The following SEMA3D variants were observed in gnomAD, a reference collection of about 807,000 sequenced individuals.
SEMA3D encodes the protein semaphorin-3D.
In SEMA3D, 84 loss-of-function variants were observed where a neutral mutation model predicts 100.1. The observed-to-expected ratio is 0.84, with a 90% CI of 0.70 to 1.01. The LOEUF (loss-of-function observed/expected upper bound fraction) is 1.01. Ranked by LOEUF, SEMA3D falls within the 50% of genes least tolerant of loss-of-function variation. The probability of loss-of-function intolerance (pLI) is 0.00; values close to 1 mark genes in which losing one functional copy is unlikely to be tolerated. For synonymous variants in SEMA3D, 312 were observed against 320.7 expected, an observed-to-expected ratio of 0.97 and a Z score of 0.29; for missense variants, 875 against 934.1, an observed-to-expected ratio of 0.94 and a Z score of 0.82.
In SEMA3D at chr7:84,995,988, T is replaced by A. The variant is rs890586109; in HGVS notation, c.*3452A>T. On this transcript the variant is annotated 3_prime_UTR_variant, in exon 19 of 19. Transcript: ENST00000284136. The stretch of plus-strand genomic sequence containing the variant: ...ACACTTCAAATATCTTTTTTTTTTT[T>A]TGGTTTGTTTCTAAATTATCCATTC... 4 of 151,934 alleles carry A rather than the reference T, an allele frequency of 2.6e-5. No homozygotes were observed. Among genetic ancestry groups the A allele is most frequent in the Admixed American group, 6.6e-5 (1 of 15,252 alleles). 9.4% of individuals were successfully genotyped at this position (151,934 alleles called of 1,614,324 possible). A position where few individuals can be genotyped will look rare whatever the true frequency, so the allele number is the denominator to read the frequency against.
In SEMA3D at chr7:85,142,768, A is replaced by C. The variant is rs913949776; in HGVS notation, c.-41+10840T>G. ...GCTTTTACACTAGAAAGATTCCCAG[A>C]CTAACCACATGATGTGAATGGAATA... On this transcript the variant is annotated intron_variant, in intron 2 of 18. Transcript: ENST00000284136. 5 of 984,210 alleles carry C rather than the reference A, an allele frequency of 5.1e-6. No individual in the cohort carries two copies. The African/African-American group carries it at 8.8e-5, about 17-fold the overall frequency. 61.0% of individuals were successfully genotyped at this position (984,210 alleles called of 1,614,324 possible).
chr7:85,202,419 T>C, the SEMA3D span, among the ~76,000 whole-genome samples: 1 of 152,000 alleles, frequency 6.6e-6, no homozygotes, highest in African/African-American at 2.4e-5. Context: ...TAGTATTCCA[T>C]GGTGTATATG....
chr7:85,110,716 C>T (rs762856070), intron 3 of SEMA3D, among the ~76,000 whole-genome samples: 2 of 152,112 alleles, frequency 1.3e-5, no homozygotes, highest in East Asian at 1.9e-4. Flanking sequence ...ACCAATTATT[C>T]TTCTTCTAGA....
chr7:85,080,353 T>G (rs2116227934), intron 5 of SEMA3D, among the ~76,000 whole-genome samples: 1 of 152,284 alleles, frequency 6.6e-6, no homozygotes, highest in African/African-American at 2.4e-5. Flanking sequence ...CTGAGATTAT[T>G]AGCCTTCTGA....
At chr7:85,028,266 A>G in intron 12 of SEMA3D, 1 of 702,582 alleles carries the variant, frequency 1.4e-6, no homozygotes, top group Non-Finnish European at 2.6e-6. Context: ...TCACAGTGCC[A>G]GCTTACTTGA....
At chr7:85,195,522 A>G in the SEMA3D span, among the ~76,000 whole-genome samples, 3 of 152,224 alleles carry the variant, frequency 2.0e-5, no homozygotes, top group East Asian at 5.8e-4. Flanking sequence ...TCATGGTCAC[A>G]GATCACTGTA....
At chr7:85,040,840 T>C in intron 10 of SEMA3D, 98 bp from the exon 11 acceptor site, 1 of 646,660 alleles carries the variant, frequency 1.5e-6, no homozygotes, top group Non-Finnish European at 2.8e-6. Context: ...CTAAACAGTT[T>C]ATACGATTAA....
At chr7:85,090,742 C>T (rs936527691) in intron 4 of SEMA3D, among the ~76,000 whole-genome samples, 2 of 152,058 alleles carry the variant, frequency 1.3e-5, no homozygotes, top group African/African-American at 4.8e-5. Flanking sequence ...TTTGCTTATA[C>T]TTAATATCAA....
chr7:85,063,120 C>T (rs185204024), intron 8 of SEMA3D, among the ~76,000 whole-genome samples: 148 of 152,204 alleles, frequency 9.7e-4, no homozygotes, highest in Admixed American at 1.9e-3. Flanking sequence ...ATCCTTATAA[C>T]GCCCTGTGAA....
chr7:85,085,592 T>C lies in SEMA3D; in HGVS notation c.313-4013A>G, dbSNP rs141251715. 3.6e-4 allele frequency among the ~76,000 whole-genome samples: 55 copies of C among 152,248 alleles called. No homozygotes were observed. In the East Asian group the frequency reaches 6.0e-3, roughly 17 times the overall value. The stretch of plus-strand genomic sequence containing the variant: ...TCTGTATGTCAGCCAAGGCATCAAA[T>C]TGAGGTGCTTGGGTCTGAGTTAGGA... On this transcript the variant is annotated intron_variant, in intron 4 of 18. Transcript: ENST00000284136.
chr7:85,042,055 T>A, intron 10 of SEMA3D, 116 bp downstream of exon 10: 1 of 772,332 alleles, frequency 1.3e-6, no homozygotes, highest in South Asian at 1.6e-5. Flanking sequence ...GAACCACTCC[T>A]GTAAGGTTTG....
At chr7:85,194,597 G>A in the SEMA3D span, among the ~76,000 whole-genome samples, 1 of 152,088 alleles carries the variant, frequency 6.6e-6, no homozygotes, top group African/African-American at 2.4e-5. Context: ...GGGTTCTACA[G>A]TTTTTTGCTT....
chr7:85,010,249 T>C (rs1789914818), intron 17 of SEMA3D, among the ~76,000 whole-genome samples: 1 of 151,846 alleles, frequency 6.6e-6, no homozygotes, highest in Non-Finnish European at 1.5e-5. Context: ...TCAGAGAATA[T>C]ACTAGCGATC....
intron 11 of SEMA3D, among the ~76,000 whole-genome samples, chr7:85,037,234 G>A (rs1279361317): frequency 2.0e-5 from 3 of 152,084 alleles, no homozygotes; most frequent in Non-Finnish European, 4.4e-5. Flanking sequence ...TAACTTCATC[G>A]CCAGTAAATA....
chr7:85,042,166 C>T lies in SEMA3D; in HGVS notation c.976+5G>A. 1 of 1,587,432 alleles carries T rather than the reference C, an allele frequency of 6.3e-7. No homozygotes were observed. Among genetic ancestry groups the T allele is most frequent in the Non-Finnish European group, 8.6e-7 (1 of 1,156,394 alleles). On this transcript the variant is annotated splice_donor_5th_base_variant and intron_variant, in intron 10 of 18. Transcript: ENST00000284136. ...TTCCAAGAAAGAAGGAAAGAAGGAA[C>T]TTACGAAGCTCATCAAAGTAAGTAT...
At chr7:85,100,781 T>A (rs1788720166) in intron 3 of SEMA3D, among the ~76,000 whole-genome samples, 1 of 152,046 alleles carries the variant, frequency 6.6e-6, no homozygotes, top group Middle Eastern at 3.4e-3. Context: ...GGTTAAATGT[T>A]ATTTCTCTTA....
At chr7:85,246,949 TA>T in the SEMA3D span, among the ~76,000 whole-genome samples, 1,206 of 147,438 alleles carry the variant, frequency 8.2e-3, 26 homozygotes, top group African/African-American at 0.025. Flanking sequence ...TATAAAAAGC[TA>T]AAAAAAAAAT....
the SEMA3D span, among the ~76,000 whole-genome samples, chr7:85,202,617 T>A: frequency 6.6e-6 from 1 of 152,014 alleles, no homozygotes; most frequent in Admixed American, 6.6e-5. Context: ...ATATCCAGAA[T>A]CTACAATGAA....
chr7:85,211,669 AG>A, the SEMA3D span, among the ~76,000 whole-genome samples: 1 of 151,934 alleles, frequency 6.6e-6, no homozygotes, highest in Non-Finnish European at 1.5e-5. Context: ...GAACAACACA[AG>A]TTTGAACTGT....
Sources: allele counts gnomAD v4.1 joint callset (sites outside exome capture counted in the v4.1 genomes callset), GRCh38; gene constraint gnomAD v4.1.1; transcripts MANE v1.5; gene names NCBI Gene and HGNC (gene_info 2026-07-23, HGNC 2026-07-21).